The following PITPNM2 variants were observed in gnomAD, a reference collection of about 807,000 sequenced individuals.
The protein encoded by PITPNM2 is phosphatidylinositol transfer protein membrane associated 2, also known as membrane-associated phosphatidylinositol transfer protein 2.
Under a neutral mutation model 132.2 loss-of-function variants are expected in PITPNM2, and 35 were observed. The observed-to-expected ratio is 0.26, with a 90% CI of 0.20 to 0.35. The LOEUF (loss-of-function observed/expected upper bound fraction) is 0.35, where lower values mean the gene tolerates loss of function less well. PITPNM2 is among the 10% of genes least tolerant of loss of function. The probability of loss-of-function intolerance (pLI) is 1.00; values close to 1 mark genes in which losing one functional copy is unlikely to be tolerated. For missense variants in PITPNM2, 1,332 were observed against 1,912.0 expected, an observed-to-expected ratio of 0.70 and a Z score of 5.66; for synonymous variants, 738 against 799.2, an observed-to-expected ratio of 0.92 and a Z score of 1.29.
intron 1 of PITPNM2, among the ~76,000 whole-genome samples, chr12:123,120,619 G>T (rs1593026452): frequency 6.6e-6 from 1 of 152,272 alleles, no homozygotes; most frequent in South Asian, 2.1e-4. Flanking sequence ...GAGATGTAGT[G>T]GCACATGTTT....
Position 123,000,436 on chromosome 12 carries a change from A to G in PITPNM2, c.1224+342T>C, listed in dbSNP as rs569169904. ...CCTTTTCGTCTTTTTATCTTCAGGG[A>G]CAGCAGACAGGCTGGGCACAAGGTG... On this transcript the variant is annotated intron_variant, in intron 10 of 25. Coordinates refer to ENST00000320201, the MANE Select transcript of PITPNM2 (RefSeq NM_020845.3). The surrounding 1 kb of genome is among the most constrained non-coding windows in gnomAD (Gnocchi z 5.4). 4 of 702,936 alleles carry G rather than the reference A, an allele frequency of 5.7e-6. No individual in the cohort carries two copies. The allele number at this position is 702,936 out of a possible 1,614,324, so 43.5% of individuals were successfully genotyped here.
Position 122,986,023 on chromosome 12 carries a change from T to C in PITPNM2, c.*4A>G. The C allele has an allele frequency of 2.1e-6, 3 of 1,397,330 alleles. No individual in the cohort carries two copies. The highest frequency in any genetic ancestry group is 2.8e-6 in the Non-Finnish European group (3 of 1,087,532). 86.6% of individuals were successfully genotyped at this position (1,397,330 alleles called of 1,614,324 possible). The stretch of plus-strand genomic sequence containing the variant: ...TGGAGACCCCGCGCTGCACTCACGG[T>C]GCCCTACTTGGGGCCCGCGGCTGCC... On this transcript the variant is annotated 3_prime_UTR_variant, in exon 26 of 26. Transcript: ENST00000320201.
rs1195083357 is a variant in PITPNM2, at chr12:123,004,982, G to A, written c.952+258C>T. ...GGGTGGCCCCTCCACCGCGCTGCAGGAGCCCAGCCACCTCCACTGCTCCTA... is the reference window on the plus strand; with the variant it reads ...GGGTGGCCCCTCCACCGCGCTGCAGAAGCCCAGCCACCTCCACTGCTCCTA... On this transcript the variant is annotated intron_variant, in intron 7 of 25. Coordinates refer to ENST00000320201, the MANE Select transcript of PITPNM2 (RefSeq NM_020845.3). The surrounding 1 kb of genome is among the most constrained non-coding windows in gnomAD (Gnocchi z 4.9). Among the ~76,000 whole-genome samples the A allele has an allele frequency of 3.9e-5, 6 of 152,194 alleles. No individual in the cohort carries two copies. The highest frequency in any genetic ancestry group is 7.4e-5 in the Non-Finnish European group (5 of 68,016).
intron 24 of PITPNM2, 24 bp from the exon 25 acceptor site, chr12:122,986,588 C>A: frequency 2.5e-6 from 4 of 1,598,380 alleles, no homozygotes; most frequent in Non-Finnish European, 3.4e-6. Flanking sequence ...GGCATGGGCA[C>A]AGGCACCATG....
intron 2 of PITPNM2, among the ~76,000 whole-genome samples, chr12:123,050,987 T>C (rs897944555): frequency 4.6e-5 from 7 of 152,352 alleles, no homozygotes; most frequent in Non-Finnish European, 7.3e-5. Flanking sequence ...GCACAGGCTA[T>C]GCACTGTCCA....
At chr12:123,101,980 C>T (rs562904845) in intron 2 of PITPNM2, among the ~76,000 whole-genome samples, 1 of 152,218 alleles carries the variant, frequency 6.6e-6, no homozygotes, top group South Asian at 2.1e-4. Context: ...TACCACCGTA[C>T]TCCAGCCTGG....
chr12:123,103,317 C>G (rs2042611981), intron 2 of PITPNM2, among the ~76,000 whole-genome samples: 1 of 152,220 alleles, frequency 6.6e-6, no homozygotes, highest in Non-Finnish European at 1.5e-5. Context: ...AGCTCCTTGA[C>G]AGCAAGACTC....
chr12:123,140,003 T>TC (rs1487137890), intron 1 of PITPNM2, among the ~76,000 whole-genome samples: 2 of 152,132 alleles, frequency 1.3e-5, no homozygotes, highest in Non-Finnish European at 2.9e-5. Context: ...TAACTCAGTG[T>TC]CCCCTGGCAC....
intron 1 of PITPNM2, among the ~76,000 whole-genome samples, chr12:123,123,765 G>A (rs561486029): frequency 6.3e-4 from 95 of 151,728 alleles, no homozygotes; most frequent in African/African-American, 2.1e-3. Flanking sequence ...CAAAACCCCG[G>A]CTCTACTAAA....
intron 8 of PITPNM2, among the ~76,000 whole-genome samples, chr12:123,002,923 T>C (rs1465177694): frequency 1.3e-5 from 2 of 152,136 alleles, no homozygotes; most frequent in African/African-American, 4.8e-5. Context: ...ATTTTTGGTA[T>C]TGACAGGGTT....
At position 122,985,100 on chromosome 12, in the gene PITPNM2, G is replaced by A. The variant is rs3741530; in HGVS notation, c.*927C>T. 1 of 152,418 alleles carries A rather than the reference G, an allele frequency of 6.6e-6. No individual in the cohort carries two copies. Among genetic ancestry groups the A allele is most frequent in the South Asian group, 2.1e-4 (1 of 4,832 alleles). 9.4% of individuals were successfully genotyped at this position (152,418 alleles called of 1,614,324 possible). ...AAGTGGGCAGGAGCAGGGCCCACGG[G>A]ACCCAGAACCAGGCTGGACTCCGTC... On this transcript the variant is annotated 3_prime_UTR_variant, in exon 26 of 26. Transcript: ENST00000320201.
At chr12:123,045,751 G>C (rs1454330083) in intron 2 of PITPNM2, among the ~76,000 whole-genome samples, 3 of 152,138 alleles carry the variant, frequency 2.0e-5, no homozygotes, top group Non-Finnish European at 2.9e-5. Flanking sequence ...AGCGCTGTGG[G>C]GCTAACCTCA....
chr12:123,064,223 C>G lies in PITPNM2; in HGVS notation c.-95-29538G>C, dbSNP rs1271662923. On this transcript the variant is annotated intron_variant, in intron 2 of 25. Transcript: ENST00000320201. The surrounding 1 kb of genome is among the most constrained non-coding windows in gnomAD (Gnocchi z 4.0). ...CTGCCAGCAGGCAGACAGACGCACTCTCCCCACTCCAAATTGGAAAATGGA... is the reference window on the plus strand; with the variant it reads ...CTGCCAGCAGGCAGACAGACGCACTGTCCCCACTCCAAATTGGAAAATGGA... Among the ~76,000 whole-genome samples, 1 of 152,248 alleles carries G rather than the reference C, an allele frequency of 6.6e-6. No homozygotes were observed. Among genetic ancestry groups the G allele is most frequent in the African/African-American group, 2.4e-5 (1 of 41,460 alleles).
At chr12:123,109,056 C>T (rs1178457046) in intron 2 of PITPNM2, among the ~76,000 whole-genome samples, 2 of 152,148 alleles carry the variant, frequency 1.3e-5, no homozygotes, top group Non-Finnish European at 2.9e-5. Flanking sequence ...TAAAAAGGGA[C>T]CCTAACAGGC....
rs768233407 is a variant in PITPNM2, at chr12:123,004,461, C to G, written c.981G>C (p.Glu327Asp). ...GASPSRHSIS[E>D]WRMQSIARDS... ...CCCTGGCAATACTCTGCATCCTCCA[C>G]TCTGAGATGCTGTGGCGGGAAGGAC... is the stretch of plus-strand genomic sequence containing the variant. Residue 327 changes from glutamate (E) to aspartate (D), a missense_variant, in exon 8 of 26, where the codon GAG (glutamate) becomes GAC (aspartate). By Grantham distance (45) the Glu-to-Asp change is conservative. This residue lies in a region of PITPNM2 where 710 missense variants were observed against 911.5 expected (regional missense o/e 0.78). Coordinates refer to ENST00000320201, the MANE Select transcript of PITPNM2 (RefSeq NM_020845.3). This position sits in a 1 kb window ranked among gnomAD's most constrained non-coding sequence, Gnocchi z 4.9. 7 of 1,614,012 alleles carry G rather than the reference C, an allele frequency of 4.3e-6. No individual in the cohort carries two copies. The highest frequency in any genetic ancestry group is 5.9e-6 in the Non-Finnish European group (7 of 1,180,034).
In PITPNM2 at chr12:123,010,014, T is replaced by C. The variant is rs1187824041; in HGVS notation, c.479A>G (p.Lys160Arg). Reference sequence around the variant, plus strand: ...CTGGGTCTTGGTTGACTGGAACAGCTTGGGGTCCTCTTCTGTCTTATACTC... The same window carrying C: ...CTGGGTCTTGGTTGACTGGAACAGCCTGGGGTCCTCTTCTGTCTTATACTC... ...HNEYKTEEDPKLFQSTKTQRG... is the reference protein window; with the variant it reads ...HNEYKTEEDPRLFQSTKTQRG... The change falls in exon 6 of 26, where the codon AAG becomes AGG. Residue 160 changes from lysine to arginine, a missense_variant. By Grantham distance (26) the Lys-to-Arg change is conservative. Coordinates refer to ENST00000320201, the MANE Select transcript of PITPNM2 (RefSeq NM_020845.3). The C allele has an allele frequency of 6.2e-7, 1 of 1,614,092 alleles. No individual in the cohort carries two copies. The highest frequency in any genetic ancestry group is 1.3e-5 in the African/African-American group (1 of 74,926).
intron 3 of PITPNM2, among the ~76,000 whole-genome samples, chr12:123,027,756 G>A (rs2039918957): frequency 6.6e-6 from 1 of 152,206 alleles, no homozygotes; most frequent in Admixed American, 6.5e-5. Context: ...GTAAAGATTG[G>A]TCAAATGAAG....
Position 123,034,532 on chromosome 12 carries a change from G to A in PITPNM2, c.59C>T (p.Ala20Val). The A allele has an allele frequency of 6.2e-7, 1 of 1,614,190 alleles. No homozygotes were observed. Reference protein sequence around the residue: ...LPMTVEEYRIAQLYMIQKKSR... With the variant: ...LPMTVEEYRIVQLYMIQKKSR... Reference sequence around the variant, plus strand: ...ACCCACCTGTATCATGTACAGCTGGGCGATGCGGTACTCCTCCACGGTCAT... The same window carrying A: ...ACCCACCTGTATCATGTACAGCTGGACGATGCGGTACTCCTCCACGGTCAT... Residue 20 changes from alanine (A) to valine (V), a missense_variant, in exon 3 of 26, where the codon GCC becomes GTC. Ala to Val is a moderately conservative substitution (Grantham distance 64, BLOSUM62 0). This residue lies in a region of PITPNM2 where 83 missense variants were observed against 118.7 expected (regional missense o/e 0.70). Coordinates refer to ENST00000320201, the MANE Select transcript of PITPNM2 (RefSeq NM_020845.3).
intron 2 of PITPNM2, among the ~76,000 whole-genome samples, chr12:123,051,252 C>G (rs535178899): frequency 6.6e-6 from 1 of 152,220 alleles, no homozygotes; most frequent in South Asian, 2.1e-4. Context: ...AGCCACTTGA[C>G]TGGCTGGGCT....
Sources: allele counts gnomAD v4.1 joint callset (sites outside exome capture counted in the v4.1 genomes callset), GRCh38; gene constraint gnomAD v4.1.1; regional missense constraint gnomAD v4.1.1; non-coding constraint Gnocchi (gnomAD v3.1); transcripts MANE v1.5; gene names NCBI Gene and HGNC (gene_info 2026-07-23, HGNC 2026-07-21).